NEK10: variants seen among roughly 807,000 people sequenced by gnomAD.
NEK10 encodes NIMA related kinase 10.
In NEK10, 122 loss-of-function variants were observed where a neutral mutation model predicts 159.8. That is an observed-to-expected ratio of 0.76 (90% CI 0.66 to 0.89). The LOEUF (loss-of-function observed/expected upper bound fraction) is 0.89, where lower values mean the gene tolerates loss of function less well. Ranked by LOEUF, NEK10 falls within the 40% of genes least tolerant of loss-of-function variation. The pLI, the probability that NEK10 is intolerant of heterozygous loss-of-function variation, is 0.00. For synonymous variants in NEK10, 466 were observed against 457.1 expected (o/e 1.02, Z -0.25); for missense variants, 1,342 against 1,323.1 (o/e 1.01, Z -0.22).
At chr3:27,365,575 T>C (rs1384049608) in intron 1 of NEK10, among the ~76,000 whole-genome samples, 4 of 150,958 alleles carry the variant, frequency 2.6e-5, no homozygotes, top group Non-Finnish European at 5.9e-5. Context: ...CATATTCCTG[T>C]TTTTTTGTTT....
intron 11 of NEK10, among the ~76,000 whole-genome samples, chr3:27,305,339 T>A (rs1437200357): frequency 1.3e-5 from 2 of 152,152 alleles, no homozygotes; most frequent in Non-Finnish European, 2.9e-5. Flanking sequence ...GCTCGTTGCA[T>A]CATCGTTGGT....
intron 1 of NEK10, among the ~76,000 whole-genome samples, chr3:27,361,418 A>C (rs964616635): frequency 6.6e-6 from 1 of 152,270 alleles, no homozygotes; most frequent in Non-Finnish European, 1.5e-5. Context: ...ATGTGAAGGA[A>C]GAATTTATAT....
At chr3:27,126,236 A>G (rs1490915880) in intron 32 of NEK10, among the ~76,000 whole-genome samples, 2 of 152,188 alleles carry the variant, frequency 1.3e-5, no homozygotes, top group African/African-American at 2.4e-5. Flanking sequence ...GCATTGAAAC[A>G]GAGATTAGGA....
At chr3:27,347,796 A>T (rs1315667413) in intron 3 of NEK10, among the ~76,000 whole-genome samples, 3 of 152,176 alleles carry the variant, frequency 2.0e-5, no homozygotes, top group Non-Finnish European at 4.4e-5. Context: ...GGTTAAGAGA[A>T]CAAATTCCCT....
chr3:27,168,575 C>G (rs933122857), intron 29 of NEK10, among the ~76,000 whole-genome samples: 2 of 152,174 alleles, frequency 1.3e-5, no homozygotes, highest in African/African-American at 4.8e-5. Flanking sequence ...TTTCTCTCCT[C>G]TTATTTGGCA....
chr3:27,196,441 A>G (rs1389877370), intron 25 of NEK10, among the ~76,000 whole-genome samples: 1 of 152,162 alleles, frequency 6.6e-6, no homozygotes, highest in African/African-American at 2.4e-5. Context: ...GTCCTGCTAC[A>G]AAGTAATTAC....
chr3:27,243,274 C>A (rs999707601), intron 23 of NEK10, among the ~76,000 whole-genome samples: 2 of 151,966 alleles, frequency 1.3e-5, no homozygotes, highest in Admixed American at 1.3e-4. Context: ...GTACTAATAG[C>A]TAAATGAGTT....
In NEK10 at chr3:27,109,833, T is replaced by C. The variant is rs1216840788; in HGVS notation, c.*1439A>G. ...CTGTATTTGCATCTATTATCTTACATTACAGTGTATCTGTAATTGTTAATT... is the reference window on the plus strand; with the variant it reads ...CTGTATTTGCATCTATTATCTTACACTACAGTGTATCTGTAATTGTTAATT... On this transcript the variant is annotated 3_prime_UTR_variant, in exon 36 of 36. Coordinates refer to ENST00000691995, the MANE Select transcript of NEK10 (RefSeq NM_001394966.1). Among the ~76,000 whole-genome samples, 1 of 152,206 alleles carries C rather than the reference T, an allele frequency of 6.6e-6. No individual in the cohort carries two copies. The highest frequency in any genetic ancestry group is 1.5e-5 in the Non-Finnish European group (1 of 68,038).
At chr3:27,311,818 A>G in intron 8 of NEK10, 1 of 383,568 alleles carries the variant, frequency 2.6e-6, no homozygotes, top group Non-Finnish European at 4.7e-6. Context: ...TTTAACAGAA[A>G]TAAAAAGACG....
intron 11 of NEK10, among the ~76,000 whole-genome samples, chr3:27,305,329 G>T (rs2044149946): frequency 6.6e-6 from 1 of 152,138 alleles, no homozygotes; most frequent in Admixed American, 6.5e-5. Flanking sequence ...TAAATTATAG[G>T]CTCGTTGCAT....
At chr3:27,206,602 AAGTCTT>A (rs146917634) in intron 23 of NEK10, 1 of 985,322 alleles carries the variant, frequency 1.0e-6, no homozygotes, top group East Asian at 1.1e-4. Context: ...ATTCACATCC[AAGTCTT>A]CCATTGAAAC....
intron 1 of NEK10, among the ~76,000 whole-genome samples, chr3:27,364,283 C>T (rs959076176): frequency 2.6e-5 from 4 of 151,198 alleles, no homozygotes; most frequent in Admixed American, 6.6e-5. Context: ...CAAGCGATAG[C>T]GATTCTCCTG....
chr3:27,291,466 T>G lies in NEK10; in HGVS notation c.1476+18A>C. 6.2e-7 allele frequency: 1 copy of G among 1,603,270 alleles called. No homozygotes were observed. The highest frequency in any genetic ancestry group is 8.5e-7 in the Non-Finnish European group (1 of 1,170,352). The stretch of plus-strand genomic sequence containing the variant: ...ACTACATAGCAGCCTGCCAAAATAT[T>G]GAAAACTCAGGACTTACCACTAATA... On this transcript the variant is annotated intron_variant, in intron 17 of 35. Coordinates refer to ENST00000691995, the MANE Select transcript of NEK10 (RefSeq NM_001394966.1).
intron 23 of NEK10, among the ~76,000 whole-genome samples, chr3:27,231,836 C>G (rs745720277): frequency 6.6e-6 from 1 of 151,350 alleles, no homozygotes; most frequent in Non-Finnish European, 1.5e-5. Context: ...CAGTAAGACT[C>G]AATCAGTAAT....
At chr3:27,286,374 C>T (rs2042608345) in intron 20 of NEK10, among the ~76,000 whole-genome samples, 1 of 151,124 alleles carries the variant, frequency 6.6e-6, no homozygotes, top group East Asian at 2.0e-4. Context: ...GTGTGAGCCA[C>T]CGCGCCCAGC....
intron 5 of NEK10, among the ~76,000 whole-genome samples, chr3:27,330,926 AT>A (rs577183612): frequency 1.3e-5 from 2 of 152,236 alleles, no homozygotes; most frequent in East Asian, 1.9e-4. Context: ...CCGTTATAAC[AT>A]TTTTTAGTAC....
chr3:27,254,864 T>G (rs375061642), intron 23 of NEK10, among the ~76,000 whole-genome samples: 21 of 151,880 alleles, frequency 1.4e-4, no homozygotes, highest in Admixed American at 5.3e-4. Flanking sequence ...GGCAAAAAAG[T>G]TGGCATGTTT....
At chr3:27,338,384 C>A (rs756451045) in intron 5 of NEK10, among the ~76,000 whole-genome samples, 2 of 152,146 alleles carry the variant, frequency 1.3e-5, no homozygotes, top group Non-Finnish European at 2.9e-5. Context: ...GTGAATAGTG[C>A]CGCAATAAAC....
At chr3:27,313,454 G>C (rs2044874044) in intron 7 of NEK10, among the ~76,000 whole-genome samples, 1 of 152,026 alleles carries the variant, frequency 6.6e-6, no homozygotes, top group African/African-American at 2.4e-5. Flanking sequence ...AGTGAGCACA[G>C]TAATCATTTT....
Sources: gnomAD v4.1 joint callset for allele counts (sites outside exome capture counted in the v4.1 genomes callset) on GRCh38, gnomAD v4.1.1 for gene constraint, MANE v1.5 for transcripts, NCBI Gene and HGNC (gene_info 2026-07-23, HGNC 2026-07-21) for gene names.